The following SLC35A3 variants were observed in gnomAD, a reference collection of about 807,000 sequenced individuals.
SLC35A3 encodes UDP-N-acetylglucosamine transporter.
Under a neutral mutation model 39.0 loss-of-function variants are expected in SLC35A3, and 26 were observed. That is an observed-to-expected ratio of 0.67 (90% CI 0.49 to 0.92). The LOEUF is 0.92. Among genes scored for constraint, SLC35A3 ranks in the 40% least tolerant of loss-of-function variants. The pLI is 0.00. For missense variants in SLC35A3, 299 were observed against 371.6 expected, an observed-to-expected ratio of 0.80 and a Z score of 1.61; for synonymous variants, 135 against 133.1, an observed-to-expected ratio of 1.01 and a Z score of -0.10.
chr1:100,020,310 T>G (rs968300147), intron 7 of SLC35A3, among the ~76,000 whole-genome samples: 1 of 152,116 alleles, frequency 6.6e-6, no homozygotes, highest in Non-Finnish European at 1.5e-5. Context: ...GCTAAAGATA[T>G]TATAGAAAGG....
chr1:99,971,276 G>C (rs978102423), intron 1 of SLC35A3, among the ~76,000 whole-genome samples: 1 of 151,738 alleles, frequency 6.6e-6, no homozygotes, highest in African/African-American at 2.4e-5. Context: ...CAGAATTTGA[G>C]TCTGACGGTG....
rs1333245414 is a variant in SLC35A3, at chr1:100,029,112, G to T, written c.*6636G>T. On this transcript the variant is annotated 3_prime_UTR_variant, in exon 8 of 8. Transcript: ENST00000533028. Reference sequence around the variant, plus strand: ...AGAGGCTCTATTAGTTGGCATGGTTGGTTGATTTTTTTGCCCATGTAGTTG... The same window carrying T: ...AGAGGCTCTATTAGTTGGCATGGTTTGTTGATTTTTTTGCCCATGTAGTTG... The T allele has an allele frequency of 6.6e-6, 1 of 152,192 alleles. No individual in the cohort carries two copies. Among genetic ancestry groups the T allele is most frequent in the Non-Finnish European group, 1.5e-5 (1 of 68,084 alleles). The allele number at this position is 152,192 out of a possible 1,614,324, so 9.4% of individuals were successfully genotyped here.
chr1:100,026,823 A>AT lies in SLC35A3; in HGVS notation c.*4353dup. On this transcript the variant is annotated 3_prime_UTR_variant, in exon 8 of 8. Coordinates refer to ENST00000533028, the MANE Select transcript of SLC35A3 (RefSeq NM_012243.3). The stretch of plus-strand genomic sequence containing the variant: ...TTGATAATGTAATTTGTATATTTAA[A>AT]TTTTTTATGGACATAATTCAAAGGA... 1 of 181,254 alleles carries AT rather than the reference A, an allele frequency of 5.5e-6. No individual in the cohort carries two copies. Among genetic ancestry groups the AT allele is most frequent in the South Asian group, 2.0e-4 (1 of 5,064 alleles). The allele number at this position is 181,254 out of a possible 1,614,324, so 11.2% of individuals were successfully genotyped here.
chr1:100,000,274 T>C (rs1032724326), intron 3 of SLC35A3, among the ~76,000 whole-genome samples: 2 of 152,180 alleles, frequency 1.3e-5, no homozygotes, highest in African/African-American at 4.8e-5. Context: ...ATAGCTATTC[T>C]AACGGGGCAG....
At position 100,031,071 on chromosome 1, in the gene SLC35A3, C is replaced by T. The variant is rs1422765548; in HGVS notation, c.*8595C>T. ...TCATATTATTTTTCTCCATTTCCCTCGTGTCAAGTTTCATTTTGTTTTCAA... is the reference window on the plus strand; with the variant it reads ...TCATATTATTTTTCTCCATTTCCCTTGTGTCAAGTTTCATTTTGTTTTCAA... On this transcript the variant is annotated 3_prime_UTR_variant, in exon 8 of 8. Coordinates refer to ENST00000533028, the MANE Select transcript of SLC35A3 (RefSeq NM_012243.3). 2.0e-5 allele frequency: 3 copies of T among 152,078 alleles called. No individual in the cohort carries two copies. Among genetic ancestry groups the T allele is most frequent in the African/African-American group, 7.2e-5 (3 of 41,404 alleles). 9.4% of individuals were successfully genotyped at this position (152,078 alleles called of 1,614,324 possible).
Position 99,992,442 on chromosome 1 carries a change from T to A in SLC35A3, c.-18-1095T>A, listed in dbSNP as rs1455204929. 3.3e-5 allele frequency among the ~76,000 whole-genome samples: 5 copies of A among 152,282 alleles called. No homozygotes were observed. The East Asian group carries it at 5.8e-4, about 18-fold the overall frequency. On this transcript the variant is annotated intron_variant, in intron 1 of 7. Transcript: ENST00000533028. Reference sequence around the variant, plus strand: ...TTTTTTGTCCTTTTACTTTTTAACCTATATATGTCTTCATATTTAAAGTAA... The same window carrying A: ...TTTTTTGTCCTTTTACTTTTTAACCAATATATGTCTTCATATTTAAAGTAA...
chr1:100,007,631 T>G (rs1294151457), intron 4 of SLC35A3: 1 of 152,400 alleles, frequency 6.6e-6, no homozygotes, highest in Non-Finnish European at 1.5e-5. Flanking sequence ...TACATCTTTA[T>G]TTTTGGAGAT....
chr1:100,010,914 C>T (rs1046365362), intron 4 of SLC35A3, among the ~76,000 whole-genome samples: 1 of 152,058 alleles, frequency 6.6e-6, no homozygotes, highest in African/African-American at 2.4e-5. Flanking sequence ...ACTGTCTTTT[C>T]CTGACAGTGT....
Position 100,029,521 on chromosome 1 carries a change from C to T in SLC35A3, c.*7045C>T, listed in dbSNP as rs1661112527. The T allele has an allele frequency of 1.3e-5, 2 of 150,702 alleles. No homozygotes were observed. The highest frequency in any genetic ancestry group is 2.9e-5 in the Non-Finnish European group (2 of 67,908). The allele number at this position is 150,702 out of a possible 1,614,324, so 9.3% of individuals were successfully genotyped here. On this transcript the variant is annotated 3_prime_UTR_variant, in exon 8 of 8. Transcript: ENST00000533028. ...TCTCTGCTCACTGCAACCTCCGCCTCCTGGGTTTGAGCAATTCTCCTACCT... is the reference window on the plus strand; with the variant it reads ...TCTCTGCTCACTGCAACCTCCGCCTTCTGGGTTTGAGCAATTCTCCTACCT...
Position 100,011,455 on chromosome 1 carries a change from A to G in SLC35A3, c.556A>G (p.Ser186Gly). 1.3e-6 allele frequency: 2 copies of G among 1,585,582 alleles called. No individual in the cohort carries two copies. The highest frequency in any genetic ancestry group is 1.7e-6 in the Non-Finnish European group (2 of 1,160,274). Residue 186 changes from serine to glycine, a missense_variant, in exon 5 of 8, where the codon AGT becomes GGT. By Grantham distance (56) the Ser-to-Gly change is moderately conservative. Coordinates refer to ENST00000533028, the MANE Select transcript of SLC35A3 (RefSeq NM_012243.3). ...LMAVLTACFSSGFAGVYFEKI... is the reference protein window; with the variant it reads ...LMAVLTACFSGGFAGVYFEKI... ...GGCAGTTCTCACAGCATGTTTTTCA[A>G]GTGGCTTTGCTGGGGTTTACTTTGA...
intron 7 of SLC35A3, among the ~76,000 whole-genome samples, chr1:100,020,157 A>G (rs1393733505): frequency 6.6e-6 from 1 of 152,196 alleles, no homozygotes; most frequent in East Asian, 1.9e-4. Context: ...GGGGGCTCAA[A>G]TCCTTGAAGT....
In SLC35A3 at chr1:100,016,535, A is replaced by G. The variant is rs569888955; in HGVS notation, c.753+1115A>G. Among the ~76,000 whole-genome samples the G allele has an allele frequency of 3.1e-4, 47 of 151,490 alleles. No homozygotes were observed. The South Asian group carries it at 9.8e-3, about 32-fold the overall frequency. On this transcript the variant is annotated intron_variant, in intron 6 of 7. Transcript: ENST00000533028. Reference sequence around the variant, plus strand: ...ACTACAGGCGCCCGCCACCAAGCCCAGCTAATTTTTTGTATTTTTAGTAGA... The same window carrying G: ...ACTACAGGCGCCCGCCACCAAGCCCGGCTAATTTTTTGTATTTTTAGTAGA...
intron 1 of SLC35A3, among the ~76,000 whole-genome samples, chr1:99,990,360 G>A (rs1182479273): frequency 1.3e-5 from 2 of 152,106 alleles, no homozygotes; most frequent in Admixed American, 1.3e-4. Flanking sequence ...TGGATCATGA[G>A]GTCAGGAGAT....
chr1:99,978,518 C>T (rs1191972694), intron 1 of SLC35A3, among the ~76,000 whole-genome samples: 1 of 151,806 alleles, frequency 6.6e-6, no homozygotes, highest in Admixed American at 6.6e-5. Context: ...AGAGTGAGAC[C>T]CTGTTTCAAA....
intron 1 of SLC35A3, among the ~76,000 whole-genome samples, chr1:99,989,873 C>T (rs994489973): frequency 1.3e-5 from 2 of 152,218 alleles, no homozygotes; most frequent in Middle Eastern, 6.8e-3. Context: ...TCAATTGATC[C>T]TCCTGCCTCA....
In SLC35A3 at chr1:100,002,679, C is replaced by A. The variant is rs577464208; in HGVS notation, c.342+3264C>A. Reference sequence around the variant, plus strand: ...TTGCCCACACTGGAGTGCCATGGCACAGTCTTAGCTTACTGCAGCCTCAAC... The same window carrying A: ...TTGCCCACACTGGAGTGCCATGGCAAAGTCTTAGCTTACTGCAGCCTCAAC... On this transcript the variant is annotated intron_variant, in intron 3 of 7. Coordinates refer to ENST00000533028, the MANE Select transcript of SLC35A3 (RefSeq NM_012243.3). Among the ~76,000 whole-genome samples, 21 of 152,304 alleles carry A rather than the reference C, an allele frequency of 1.4e-4. No individual in the cohort carries two copies. In the East Asian group the frequency reaches 4.0e-3, roughly 29 times the overall value.
intron 1 of SLC35A3, among the ~76,000 whole-genome samples, chr1:99,971,326 A>G (rs1407532591): frequency 1.4e-5 from 2 of 141,294 alleles, no homozygotes; most frequent in Admixed American, 7.1e-5. Context: ...TTTTTTTTTT[A>G]GACGGAGTCT....
chr1:99,980,640 T>G (rs1428780256), intron 1 of SLC35A3, among the ~76,000 whole-genome samples: 1 of 152,220 alleles, frequency 6.6e-6, no homozygotes, highest in Non-Finnish European at 1.5e-5. Context: ...GGTGATATTT[T>G]CTTAGTAAAT....
intron 2 of SLC35A3, among the ~76,000 whole-genome samples, chr1:99,996,991 T>C (rs1377779129): frequency 4.6e-5 from 7 of 152,024 alleles, no homozygotes; most frequent in Non-Finnish European, 8.8e-5. Flanking sequence ...AATTCTAGGC[T>C]CCTTAGAACC....
Sources: gnomAD v4.1 joint callset for allele counts (sites outside exome capture counted in the v4.1 genomes callset) on GRCh38, gnomAD v4.1.1 for gene constraint, MANE v1.5 for transcripts, NCBI Gene and HGNC (gene_info 2026-07-23, HGNC 2026-07-21) for gene names.